ARHGAP44: variants seen among roughly 807,000 people sequenced by gnomAD.
ARHGAP44 encodes rho GTPase-activating protein 44.
ARHGAP44 carries 43 observed loss-of-function variants against 106.8 expected under a neutral mutation model. That is an observed-to-expected ratio of 0.40 (90% CI 0.32 to 0.52). ARHGAP44 has a LOEUF of 0.52. Among genes scored for constraint, ARHGAP44 ranks in the 20% least tolerant of loss-of-function variants. The pLI, the probability that ARHGAP44 is intolerant of heterozygous loss-of-function variation, is 0.48. For synonymous variants in ARHGAP44, 439 were observed against 410.3 expected (o/e 1.07, Z -0.85); for missense variants, 866 against 1,050.5 (o/e 0.82, Z 2.43).
chr17:12,789,979 C>T, intron 1 of ARHGAP44, 88 bp downstream of exon 1: 2 of 1,293,482 alleles, frequency 1.5e-6, no homozygotes, highest in Non-Finnish European at 2.1e-6. Context: ...GCCCAGCCTC[C>T]AGTCCTCCTT....
chr17:12,843,048 C>G (rs2035462979), intron 1 of ARHGAP44, among the ~76,000 whole-genome samples: 1 of 151,804 alleles, frequency 6.6e-6, no homozygotes, highest in South Asian at 2.1e-4. Context: ...TATAGCTCTC[C>G]TCTCTGACCT....
At chr17:12,928,233 T>C (rs572907479) in intron 6 of ARHGAP44, among the ~76,000 whole-genome samples, 11 of 152,340 alleles carry the variant, frequency 7.2e-5, no homozygotes, top group African/African-American at 2.6e-4. Flanking sequence ...GCTATCAGAT[T>C]TGTTTTTAAT....
At chr17:12,889,076 T>A (rs2036965729) in intron 1 of ARHGAP44, among the ~76,000 whole-genome samples, 1 of 152,230 alleles carries the variant, frequency 6.6e-6, no homozygotes, top group Non-Finnish European at 1.5e-5. Context: ...TTAATGTAAT[T>A]ATAGACATGT....
In ARHGAP44 at chr17:12,949,310, G is replaced by T; in HGVS notation, c.973+59G>T. ...AGGCTCACAGGGAAGGGGTAGAGGGGAGGCTGTGTGGCTACAAGTCCAGGA... is the reference window on the plus strand; with the variant it reads ...AGGCTCACAGGGAAGGGGTAGAGGGTAGGCTGTGTGGCTACAAGTCCAGGA... On this transcript the variant is annotated intron_variant, in intron 11 of 20. Transcript: ENST00000379672. This position sits in a 1 kb window ranked among gnomAD's most constrained non-coding sequence, Gnocchi z 4.1. 8 of 1,499,702 alleles carry T rather than the reference G, an allele frequency of 5.3e-6. No homozygotes were observed. In the South Asian group the frequency reaches 8.4e-5, roughly 16 times the overall value. 92.9% of individuals were successfully genotyped at this position (1,499,702 alleles called of 1,614,324 possible).
chr17:12,984,585 C>T lies in ARHGAP44; in HGVS notation c.1994C>T (p.Ala665Val). ...AAGGTCCCCTTTGGCCAGCCGGGGG[C>T]TATGGCAGACCAGTCCGCTGGCCAG... ...PPKVPFGQPG[A>V]MADQSAGQPS... Residue 665 changes from alanine (A) to valine (V), a missense_variant, in exon 20 of 21, where the codon GCT becomes GTT. Transcript: ENST00000379672. 1 of 1,595,864 alleles carries T rather than the reference C, an allele frequency of 6.3e-7. No homozygotes were observed. The highest frequency in any genetic ancestry group is 8.5e-7 in the Non-Finnish European group (1 of 1,171,734).
chr17:12,967,733 G>A (rs1371895136), intron 16 of ARHGAP44, among the ~76,000 whole-genome samples: 3 of 152,182 alleles, frequency 2.0e-5, no homozygotes, highest in South Asian at 2.1e-4. Context: ...CTGAGCCGTC[G>A]TTCCACTGGT....
intron 1 of ARHGAP44, among the ~76,000 whole-genome samples, chr17:12,816,815 G>A (rs949140212): frequency 6.6e-6 from 1 of 152,098 alleles, no homozygotes; most frequent in African/African-American, 2.4e-5. Flanking sequence ...TTATAGGTGA[G>A]GACTTTGACA....
intron 7 of ARHGAP44, among the ~76,000 whole-genome samples, chr17:12,934,037 CAG>C (rs1338512298): frequency 6.6e-6 from 1 of 151,906 alleles, no homozygotes; most frequent in Non-Finnish European, 1.5e-5. Context: ...TTAGTAGAGA[CAG>C]GGTTTCACCG....
At chr17:12,790,108 C>T (rs960802820) in intron 1 of ARHGAP44, 1 of 503,684 alleles carries the variant, frequency 2.0e-6, no homozygotes, top group Admixed American at 4.4e-5. Flanking sequence ...CTCCGGGCTC[C>T]GGTTGCCAAG....
intron 1 of ARHGAP44, among the ~76,000 whole-genome samples, chr17:12,813,001 G>C (rs1377842703): frequency 6.6e-6 from 1 of 152,204 alleles, no homozygotes; most frequent in South Asian, 2.1e-4. Context: ...ACACATGCAA[G>C]GGCCTTGGAG....
chr17:12,871,907 C>T (rs576264609), intron 1 of ARHGAP44, among the ~76,000 whole-genome samples: 6 of 152,294 alleles, frequency 3.9e-5, no homozygotes, highest in African/African-American at 1.4e-4. Flanking sequence ...CAGCATCATG[C>T]TTCCTCTATA....
chr17:12,867,081 A>C (rs1389110979), intron 1 of ARHGAP44, among the ~76,000 whole-genome samples: 1 of 151,266 alleles, frequency 6.6e-6, no homozygotes, highest in Non-Finnish European at 1.5e-5. Flanking sequence ...ATTGAGTCAT[A>C]CTTATGAAGA....
chr17:12,958,628 G>A lies in ARHGAP44; in HGVS notation c.1343-89G>A. ...AAATTTTCTAGGGATGACATACGAG[G>A]GAGTGGGTGTCTGGACTCATTCCTC... is the stretch of plus-strand genomic sequence containing the variant. On this transcript the variant is annotated intron_variant, in intron 15 of 20. Coordinates refer to ENST00000379672, the MANE Select transcript of ARHGAP44 (RefSeq NM_014859.6). This position sits in a 1 kb window ranked among gnomAD's most constrained non-coding sequence, Gnocchi z 4.1. The A allele has an allele frequency of 8.0e-7, 1 of 1,250,688 alleles. No individual in the cohort carries two copies. Among genetic ancestry groups the A allele is most frequent in the Non-Finnish European group, 1.1e-6 (1 of 882,888 alleles). The allele number at this position is 1,250,688 out of a possible 1,614,324, so 77.5% of individuals were successfully genotyped here.
chr17:12,944,421 G>A (rs943887025), intron 10 of ARHGAP44, among the ~76,000 whole-genome samples: 1 of 152,058 alleles, frequency 6.6e-6, no homozygotes, highest in Non-Finnish European at 1.5e-5. Flanking sequence ...CATGAGGAAC[G>A]GATGGCCATA....
intron 10 of ARHGAP44, among the ~76,000 whole-genome samples, chr17:12,947,276 C>T (rs56655083): frequency 0.15 from 23,435 of 152,192 alleles, 1,927 homozygotes; most frequent in East Asian, 0.38. Flanking sequence ...GACTTACTGC[C>T]AGCCTCCTTG....
At chr17:12,834,749 G>A (rs536055855) in intron 1 of ARHGAP44, among the ~76,000 whole-genome samples, 82 of 152,248 alleles carry the variant, frequency 5.4e-4, no homozygotes, top group Non-Finnish European at 8.7e-4. Flanking sequence ...CATAATATTA[G>A]GGTGTTGGAG....
In ARHGAP44 at chr17:12,812,071, A is replaced by AT. The variant is rs144498264; in HGVS notation, c.53+22187dup. Among the ~76,000 whole-genome samples the AT allele has an allele frequency of 1.5e-3, 235 of 152,162 alleles. 9 individuals are homozygous for AT. The East Asian group carries it at 0.043, about 28-fold the overall frequency. ...ACACATTTCTCATTCAACAAAGAGTATTTTTTTCTGCCTGCTTTGTGCCAA... is the reference window on the plus strand; with the variant it reads ...ACACATTTCTCATTCAACAAAGAGTATTTTTTTTCTGCCTGCTTTGTGCCAA... On this transcript the variant is annotated intron_variant, in intron 1 of 20. Transcript: ENST00000379672.
At chr17:12,956,633 T>C (rs1403739387) in intron 14 of ARHGAP44, 22 bp from the exon 15 acceptor site, 1 of 1,608,816 alleles carries the variant, frequency 6.2e-7, no homozygotes. Context: ...CCACCCTGTT[T>C]GCCTCTGCTC....
At chr17:12,847,727 G>A (rs1161170121) in intron 1 of ARHGAP44, among the ~76,000 whole-genome samples, 1 of 150,858 alleles carries the variant, frequency 6.6e-6, no homozygotes, top group African/African-American at 2.4e-5. Context: ...CCGTGGTCTC[G>A]ATCTTCTGAC....
Sources: gnomAD v4.1 joint callset for allele counts (sites outside exome capture counted in the v4.1 genomes callset) on GRCh38, gnomAD v4.1.1 for gene constraint, Gnocchi (gnomAD v3.1) non-coding constraint, MANE v1.5 for transcripts, NCBI Gene and HGNC (gene_info 2026-07-23, HGNC 2026-07-21) for gene names.